The following FBXW7 variants were observed in gnomAD, a reference collection of about 807,000 sequenced individuals.
The protein encoded by FBXW7 is F-box/WD repeat-containing protein 7.
In FBXW7, 11 loss-of-function variants were observed where a neutral mutation model predicts 86.3. The ratio of observed to expected loss-of-function variants is 0.13; its 90% CI spans 0.08 to 0.21. FBXW7 has a LOEUF of 0.21. FBXW7 is among the 10% of genes least tolerant of loss of function. The probability of loss-of-function intolerance (pLI) is 1.00; values close to 1 mark genes in which losing one functional copy is unlikely to be tolerated. For synonymous variants in FBXW7, 313 were observed against 297.9 expected, an observed-to-expected ratio of 1.05 and a Z score of -0.52; for missense variants, 488 against 847.4, an observed-to-expected ratio of 0.58 and a Z score of 5.27.
chr4:152,355,875 GT>G (rs563267522), intron 4 of FBXW7, among the ~76,000 whole-genome samples: 95 of 152,208 alleles, frequency 6.2e-4, no homozygotes, highest in Non-Finnish European at 1.1e-3. Flanking sequence ...TCATTAACCC[GT>G]GAGCTCCTAC....
Position 152,535,246 on chromosome 4 carries a change from G to A in FBXW7, c.-332C>T, listed in dbSNP as rs1750418042. On this transcript the variant is annotated 5_prime_UTR_variant, in exon 1 of 14. Coordinates refer to ENST00000281708, the MANE Select transcript of FBXW7 (RefSeq NM_001349798.2). ...TTTTGTTTTTGTAAAGTTTCCTCTGGGTGGAGGCTGCGGCCGGCCCCCCGG... is the reference window on the plus strand; with the variant it reads ...TTTTGTTTTTGTAAAGTTTCCTCTGAGTGGAGGCTGCGGCCGGCCCCCCGG... The A allele has an allele frequency of 4.4e-6, 1 of 226,560 alleles. No homozygotes were observed. The highest frequency in any genetic ancestry group is 8.6e-6 in the Non-Finnish European group (1 of 116,432). 14.0% of individuals were successfully genotyped at this position (226,560 alleles called of 1,614,324 possible). A position where few individuals can be genotyped will look rare whatever the true frequency, so the allele number is the denominator to read the frequency against.
At chr4:152,507,933 C>T (rs559605200) in intron 2 of FBXW7, among the ~76,000 whole-genome samples, 25 of 151,536 alleles carry the variant, frequency 1.6e-4, no homozygotes, top group Middle Eastern at 6.9e-3. Flanking sequence ...TGTGGTGGCA[C>T]ATACCTGGCC....
chr4:152,509,215 A>T (rs2149711728), intron 2 of FBXW7, among the ~76,000 whole-genome samples: 1 of 152,328 alleles, frequency 6.6e-6, no homozygotes, highest in Non-Finnish European at 1.5e-5. Flanking sequence ...GTGAAATCTG[A>T]ATAAAGTCTG....
intron 2 of FBXW7, among the ~76,000 whole-genome samples, chr4:152,488,021 T>C (rs1384516833): frequency 1.3e-5 from 2 of 152,062 alleles, no homozygotes; most frequent in African/African-American, 2.4e-5. Flanking sequence ...GTTAAAAGTA[T>C]GCCATCCAAG....
At chr4:152,406,411 C>T (rs975968422) in intron 4 of FBXW7, among the ~76,000 whole-genome samples, 1 of 151,790 alleles carries the variant, frequency 6.6e-6, no homozygotes, top group South Asian at 2.1e-4. Context: ...AGCAAGGCCC[C>T]GTCTCTTAAA....
chr4:152,375,652 GAATAATAA>G lies in FBXW7; in HGVS notation c.502-25536_502-25529del, dbSNP rs1467652576. Among the ~76,000 whole-genome samples, 5 of 152,034 alleles carry G rather than the reference GAATAATAA, an allele frequency of 3.3e-5. No homozygotes were observed. In the East Asian group the frequency reaches 9.6e-4, roughly 29 times the overall value. ...GAAAATTCAGTTCACAGAAAACCTA[GAATAATAA>G]ACATGGAAGTACAATGATACAGTAT... is the stretch of plus-strand genomic sequence containing the variant. On this transcript the variant is annotated intron_variant, in intron 4 of 13. Transcript: ENST00000281708.
chr4:152,433,639 C>A (rs1343873154), intron 2 of FBXW7, among the ~76,000 whole-genome samples: 1 of 152,166 alleles, frequency 6.6e-6, no homozygotes, highest in Non-Finnish European at 1.5e-5. Flanking sequence ...TATGCAAACA[C>A]TGAAGTCATG....
chr4:152,431,060 T>C (rs1040271585), intron 2 of FBXW7, among the ~76,000 whole-genome samples: 6 of 152,306 alleles, frequency 3.9e-5, no homozygotes, highest in Admixed American at 2.0e-4. Flanking sequence ...GGAACGAGTG[T>C]TTCTGAGAGT....
chr4:152,369,469 T>TCTC (rs2126729964), intron 4 of FBXW7, among the ~76,000 whole-genome samples: 1 of 152,108 alleles, frequency 6.6e-6, no homozygotes, highest in African/African-American at 2.4e-5. Context: ...TCATAGGAGG[T>TCTC]GTTGAATAAA....
At chr4:152,414,782 T>TA (rs1738281254) in intron 2 of FBXW7, among the ~76,000 whole-genome samples, 2 of 152,138 alleles carry the variant, frequency 1.3e-5, no homozygotes, top group South Asian at 4.1e-4. Context: ...ATGGGTACTT[T>TA]AAAAAGATGC....
chr4:152,448,561 GAAGAAATAATGCTGCAGCCAC>G (rs1254146473), intron 2 of FBXW7, among the ~76,000 whole-genome samples: 1 of 152,150 alleles, frequency 6.6e-6, no homozygotes, highest in Non-Finnish European at 1.5e-5. Context: ...CTTCATTAAA[GAAGAAATAATGCTGCAGCCAC>G]AGCCACACAT....
At chr4:152,455,336 T>C (rs1742308453) in intron 2 of FBXW7, among the ~76,000 whole-genome samples, 1 of 152,178 alleles carries the variant, frequency 6.6e-6, no homozygotes, top group South Asian at 2.1e-4. Flanking sequence ...AGGATCTCCT[T>C]CACTTCAGTT....
chr4:152,460,158 G>A (rs1475271793), intron 2 of FBXW7, among the ~76,000 whole-genome samples: 1 of 152,114 alleles, frequency 6.6e-6, no homozygotes, highest in Non-Finnish European at 1.5e-5. Flanking sequence ...ACATTTTTAA[G>A]TTTTTTAGAA....
At chr4:152,503,719 G>A (rs1747162539) in intron 2 of FBXW7, among the ~76,000 whole-genome samples, 1 of 151,298 alleles carries the variant, frequency 6.6e-6, no homozygotes, top group African/African-American at 2.4e-5. Context: ...ATTTCAGCTA[G>A]GTATTAAACA....
chr4:152,407,771 C>G (rs6826200), intron 4 of FBXW7, among the ~76,000 whole-genome samples: 145 of 152,310 alleles, frequency 9.5e-4, no homozygotes, highest in African/African-American at 3.4e-3. Flanking sequence ...TGCTCTGTGG[C>G]CCAGATCACT....
chr4:152,525,876 G>A (rs961604573), intron 2 of FBXW7, among the ~76,000 whole-genome samples: 2 of 152,110 alleles, frequency 1.3e-5, no homozygotes, highest in African/African-American at 4.8e-5. Flanking sequence ...TTAAGGAATC[G>A]CGATACTGAT....
At chr4:152,435,987 T>A (rs1045865396) in intron 2 of FBXW7, among the ~76,000 whole-genome samples, 1 of 152,200 alleles carries the variant, frequency 6.6e-6, no homozygotes, top group Non-Finnish European at 1.5e-5. Context: ...TGTTGTGTAT[T>A]CTGACTACTA....
chr4:152,437,281 A>G (rs906407609), intron 2 of FBXW7, among the ~76,000 whole-genome samples: 2 of 152,148 alleles, frequency 1.3e-5, no homozygotes, highest in African/African-American at 4.8e-5. Context: ...AGGCTGAGGC[A>G]GAAGAATCAC....
intron 2 of FBXW7, among the ~76,000 whole-genome samples, chr4:152,453,874 T>C (rs1189223367): frequency 6.6e-6 from 1 of 152,182 alleles, no homozygotes; most frequent in Non-Finnish European, 1.5e-5. Context: ...TGAACCTCTA[T>C]ATATATACTG....
Sources: gnomAD v4.1 joint callset for allele counts (sites outside exome capture counted in the v4.1 genomes callset) on GRCh38, gnomAD v4.1.1 for gene constraint, MANE v1.5 for transcripts, NCBI Gene and HGNC (gene_info 2026-07-23, HGNC 2026-07-21) for gene names.